The following MAPK8 variants were observed in gnomAD, a reference collection of about 807,000 sequenced individuals.
MAPK8 encodes the protein mitogen-activated protein kinase 8, also known as JUN N-terminal kinase.
A neutral mutation model predicts 52.9 loss-of-function variants in MAPK8; 13 were observed. The observed-to-expected ratio is 0.25, with a 90% CI of 0.16 to 0.39. The LOEUF (loss-of-function observed/expected upper bound fraction) is 0.39, where lower values mean the gene tolerates loss of function less well. MAPK8 is among the 10% of genes least tolerant of loss of function. MAPK8 has a pLI of 1.00. For synonymous variants in MAPK8, 191 were observed against 169.8 expected (o/e 1.12, Z -0.97); for missense variants, 300 against 519.2 (o/e 0.58, Z 4.10).
At chr10:48,414,755 A>AT (rs780037191) in intron 5 of MAPK8, among the ~76,000 whole-genome samples, 1 of 150,944 alleles carries the variant, frequency 6.6e-6, no homozygotes, top group Non-Finnish European at 1.5e-5. Context: ...TTTATTTTTT[A>AT]TTTTTTTGTA....
intron 5 of MAPK8, among the ~76,000 whole-genome samples, chr10:48,415,289 A>G (rs1333779602): frequency 6.6e-6 from 1 of 152,140 alleles, no homozygotes. Flanking sequence ...GTAATCCAAC[A>G]TTGTGGAAGT....
At chr10:48,404,280 T>TTGAGAGG (rs2042337094) in intron 2 of MAPK8, among the ~76,000 whole-genome samples, 2 of 151,874 alleles carry the variant, frequency 1.3e-5, no homozygotes, top group East Asian at 3.9e-4. Context: ...CCTTAGCCTC[T>TTGAGAGG]CAAGTAGCTG....
At chr10:48,353,758 G>C (rs1846565427) in intron 1 of MAPK8, among the ~76,000 whole-genome samples, 1 of 152,204 alleles carries the variant, frequency 6.6e-6, no homozygotes, top group South Asian at 2.1e-4. Flanking sequence ...GTGAAGAAAA[G>C]TCAGCTCGAA....
chr10:48,393,431 C>T (rs1589166463), intron 1 of MAPK8, among the ~76,000 whole-genome samples: 2 of 152,176 alleles, frequency 1.3e-5, no homozygotes, highest in South Asian at 2.1e-4. Context: ...GTCAATTAAT[C>T]ATTCTAAGAT....
chr10:48,379,915 G>A (rs1292878263), intron 1 of MAPK8, among the ~76,000 whole-genome samples: 2 of 140,892 alleles, frequency 1.4e-5, no homozygotes, highest in East Asian at 4.2e-4. Flanking sequence ...CACATTTTAG[G>A]ATTTGGAGGG....
chr10:48,398,110 CTG>C (rs2041980264), intron 1 of MAPK8, among the ~76,000 whole-genome samples: 1 of 152,072 alleles, frequency 6.6e-6, no homozygotes, highest in African/African-American at 2.4e-5. Context: ...TACCCAGAAA[CTG>C]TAATATTTTT....
In MAPK8 at chr10:48,409,910, A is replaced by G; in HGVS notation, c.284A>G (p.Gln95Arg). ...IIGLLNVFTP[Q>R]KSLEEFQDVY... ...GGCCTTTTGAATGTTTTCACACCACAGAAATCCCTAGAAGAATTTCAAGAT... is the reference window on the plus strand; with the variant it reads ...GGCCTTTTGAATGTTTTCACACCACGGAAATCCCTAGAAGAATTTCAAGAT... The change falls in exon 4 of 12, where the codon CAG becomes CGG. Residue 95 changes from glutamine (Q) to arginine (R), a missense_variant. By Grantham distance (43) the Gln-to-Arg change is conservative. Transcript: ENST00000374189. 6.2e-7 allele frequency: 1 copy of G among 1,611,604 alleles called. No individual in the cohort carries two copies. Among genetic ancestry groups the G allele is most frequent in the Non-Finnish European group, 8.5e-7 (1 of 1,178,196 alleles).
Position 48,312,181 on chromosome 10 carries a change from A to G in MAPK8, c.-50+5360A>G, listed in dbSNP as rs562530815. 9.8e-5 allele frequency among the ~76,000 whole-genome samples: 15 copies of G among 152,346 alleles called. No homozygotes were observed. The South Asian group carries it at 2.9e-3, about 29-fold the overall frequency. ...ATCTTCTTTTCTGATTCCTGGTTTA[A>G]GTTGAGAGTGTGGTGCACATTAGTC... On this transcript the variant is annotated intron_variant, in intron 1 of 11. Coordinates refer to ENST00000374189, the MANE Select transcript of MAPK8 (RefSeq NM_001323329.2).
At chr10:48,421,795 C>T (rs1490567715) in intron 6 of MAPK8, among the ~76,000 whole-genome samples, 2 of 152,050 alleles carry the variant, frequency 1.3e-5, no homozygotes, top group African/African-American at 2.4e-5. Flanking sequence ...CAAAGCAAGA[C>T]TCTGTCTCAA....
chr10:48,427,284 G>C, intron 10 of MAPK8, 141 bp downstream of exon 10: 1 of 551,442 alleles, frequency 1.8e-6, no homozygotes, highest in Non-Finnish European at 3.2e-6. Flanking sequence ...TACATAAGTA[G>C]AAAGTAAGTC....
chr10:48,378,776 T>G (rs1336732452), intron 1 of MAPK8, among the ~76,000 whole-genome samples: 1 of 151,960 alleles, frequency 6.6e-6, no homozygotes, highest in African/African-American at 2.4e-5. Context: ...ACTTAGAAAT[T>G]TTTTCTTTAG....
intron 3 of MAPK8, among the ~76,000 whole-genome samples, chr10:48,407,842 A>T (rs182611726): frequency 1.5e-3 from 223 of 152,282 alleles, no homozygotes; most frequent in African/African-American, 5.1e-3. Context: ...TATGCCTTTA[A>T]TATTTAATAC....
intron 1 of MAPK8, among the ~76,000 whole-genome samples, chr10:48,359,392 A>G (rs1237755720): frequency 6.6e-6 from 1 of 152,148 alleles, no homozygotes; most frequent in Non-Finnish European, 1.5e-5. Context: ...GCCATTTTTT[A>G]AAAGCTTGTT....
chr10:48,361,745 G>T (rs2698767), intron 1 of MAPK8, among the ~76,000 whole-genome samples: 16,091 of 151,996 alleles, frequency 0.11, 1,143 homozygotes, highest in Admixed American at 0.25. Flanking sequence ...TGGGGCGTAG[G>T]GGGGAGCTTA....
intron 8 of MAPK8, 111 bp from the exon 9 acceptor site, chr10:48,426,269 C>T: frequency 1.1e-6 from 1 of 926,420 alleles, no homozygotes; most frequent in Non-Finnish European, 1.5e-6. Context: ...GATAATTTTA[C>T]AGTAATATTT....
chr10:48,320,305 G>A (rs1043110621), intron 1 of MAPK8, among the ~76,000 whole-genome samples: 4 of 135,312 alleles, frequency 3.0e-5, no homozygotes, highest in African/African-American at 8.3e-5. Flanking sequence ...TACCATGATC[G>A]TGGCTCACTA....
chr10:48,377,243 A>T (rs2040722654), intron 1 of MAPK8, among the ~76,000 whole-genome samples: 1 of 152,134 alleles, frequency 6.6e-6, no homozygotes, highest in South Asian at 2.1e-4. Context: ...TAGCATTAGG[A>T]GAAATACCTA....
At chr10:48,353,002 C>G (rs994279427) in intron 1 of MAPK8, among the ~76,000 whole-genome samples, 4 of 151,354 alleles carry the variant, frequency 2.6e-5, no homozygotes, top group Non-Finnish European at 5.9e-5. Flanking sequence ...TTTGGAATTG[C>G]TAAAAAAAAA....
intron 1 of MAPK8, among the ~76,000 whole-genome samples, chr10:48,326,277 T>TTA (rs1843510862): frequency 6.6e-6 from 1 of 152,226 alleles, no homozygotes; most frequent in Non-Finnish European, 1.5e-5. Flanking sequence ...ATACTTTGGG[T>TTA]TATAGTCCAA....
Sources: allele counts gnomAD v4.1 joint callset (sites outside exome capture counted in the v4.1 genomes callset), GRCh38; gene constraint gnomAD v4.1.1; transcripts MANE v1.5; gene names NCBI Gene and HGNC (gene_info 2026-07-23, HGNC 2026-07-21).